Variants in LRRFIP2 observed in about 807,000 individuals in gnomAD.
LRRFIP2 encodes the protein LRR binding FLII interacting protein 2.
Under a neutral mutation model 125.9 loss-of-function variants are expected in LRRFIP2, and 109 were observed. The ratio of observed to expected loss-of-function variants is 0.87; its 90% CI spans 0.74 to 1.01. LRRFIP2 has a LOEUF of 1.01. Ranked by LOEUF, LRRFIP2 falls within the 50% of genes least tolerant of loss-of-function variation. LRRFIP2 has a pLI of 0.00. For missense variants in LRRFIP2, 850 were observed against 862.3 expected, an observed-to-expected ratio of 0.99 and a Z score of 0.18; for synonymous variants, 291 against 293.1, an observed-to-expected ratio of 0.99 and a Z score of 0.07.
At chr3:37,090,562 T>A (rs1255506351) in intron 18 of LRRFIP2, among the ~76,000 whole-genome samples, 1 of 152,138 alleles carries the variant, frequency 6.6e-6, no homozygotes, top group Non-Finnish European at 1.5e-5. Context: ...AATCAGGACA[T>A]ACATGTGTTC....
intron 24 of LRRFIP2, 77 bp from the exon 25 acceptor site, chr3:37,058,987 T>C (rs939586671): frequency 1.1e-5 from 17 of 1,580,790 alleles, no homozygotes; most frequent in Non-Finnish European, 1.4e-5. Context: ...GGTCACATCA[T>C]AGAACAAAGC....
intron 4 of LRRFIP2, among the ~76,000 whole-genome samples, chr3:37,124,812 C>A (rs183738816): frequency 1.1e-4 from 17 of 152,158 alleles, no homozygotes; most frequent in Admixed American, 5.2e-4. Flanking sequence ...TCTGGAAGAA[C>A]AAAAAGCTTC....
chr3:37,054,360 A>T (rs749199170), intron 27 of LRRFIP2, 51 bp downstream of exon 27: 1 of 1,417,514 alleles, frequency 7.1e-7, no homozygotes, highest in Non-Finnish European at 9.9e-7. Flanking sequence ...TTTCCAGAAG[A>T]TTTTTTCTTT....
At chr3:37,073,155 A>G (rs1274516635) in intron 20 of LRRFIP2, among the ~76,000 whole-genome samples, 1 of 152,238 alleles carries the variant, frequency 6.6e-6, no homozygotes. Context: ...GCCAGCTAGA[A>G]TTTCTGTGTA....
intron 1 of LRRFIP2, among the ~76,000 whole-genome samples, chr3:37,166,304 T>C (rs1488090012): frequency 2.6e-5 from 4 of 152,026 alleles, no homozygotes; most frequent in African/African-American, 7.3e-5. Context: ...CACTCCAGCC[T>C]GGGCAGAGCA....
chr3:37,087,571 A>G (rs1449654278), intron 18 of LRRFIP2, among the ~76,000 whole-genome samples: 1 of 152,008 alleles, frequency 6.6e-6, no homozygotes, highest in Non-Finnish European at 1.5e-5. Context: ...CCCATTTGGA[A>G]TTGGTTTTAC....
intron 21 of LRRFIP2, among the ~76,000 whole-genome samples, chr3:37,070,586 A>C (rs1176338467): frequency 6.6e-6 from 1 of 151,650 alleles, no homozygotes; most frequent in Non-Finnish European, 1.5e-5. Flanking sequence ...AAATACAAAA[A>C]TTAGCCGGAC....
At chr3:37,134,741 T>C (rs970137571) in intron 2 of LRRFIP2, 4 of 781,204 alleles carry the variant, frequency 5.1e-6, no homozygotes, top group Non-Finnish European at 9.2e-6. Context: ...CAGTTGAGGA[T>C]GGTATGTTTC....
chr3:37,167,296 G>A (rs1410452417), intron 1 of LRRFIP2, among the ~76,000 whole-genome samples: 1 of 151,958 alleles, frequency 6.6e-6, no homozygotes, highest in Non-Finnish European at 1.5e-5. Flanking sequence ...AAACCACAGT[G>A]AAATACCACC....
At chr3:37,139,443 A>G (rs1020955915) in intron 2 of LRRFIP2, among the ~76,000 whole-genome samples, 7 of 152,218 alleles carry the variant, frequency 4.6e-5, no homozygotes, top group Non-Finnish European at 8.8e-5. Context: ...TCATTATTCC[A>G]GTTCTGACAC....
At chr3:37,173,204 A>C (rs2096609905) in intron 1 of LRRFIP2, among the ~76,000 whole-genome samples, 1 of 151,960 alleles carries the variant, frequency 6.6e-6, no homozygotes, top group African/African-American at 2.4e-5. Context: ...CCTAAAAAAA[A>C]AAAAAGTTGA....
At chr3:37,063,666 GAA>G in intron 24 of LRRFIP2, 74 bp downstream of exon 24, 1 of 1,059,588 alleles carries the variant, frequency 9.4e-7, no homozygotes, top group Non-Finnish European at 1.5e-6. Context: ...TTTTTTTAAT[GAA>G]CATTTCAATT....
intron 21 of LRRFIP2, 92 bp from the exon 22 acceptor site, chr3:37,066,417 A>G: frequency 1.0e-6 from 1 of 974,124 alleles, no homozygotes. Flanking sequence ...ATAAGCAAAG[A>G]TAAAGGCATA....
chr3:37,161,179 T>TAAA (rs60688555), intron 1 of LRRFIP2, among the ~76,000 whole-genome samples: 1,557 of 88,072 alleles, frequency 0.018, 63 homozygotes, highest in African/African-American at 0.064. Flanking sequence ...CCCCATCTAC[T>TAAA]AAAAAAAAAA....
In LRRFIP2 at chr3:37,065,943, C is replaced by A; in HGVS notation, c.1567-1G>T. The A allele has an allele frequency of 6.2e-7, 1 of 1,614,096 alleles. No homozygotes were observed. The highest frequency in any genetic ancestry group is 8.5e-7 in the Non-Finnish European group (1 of 1,179,970). ...CGGGGATTATAACTAAGCCATGTTT[C>A]TGCAGGGGGGAAAAACCCACCATCA... On this transcript the variant is annotated splice_acceptor_variant, in intron 22 of 27. Coordinates refer to ENST00000336686, the MANE Select transcript of LRRFIP2 (RefSeq NM_006309.4). LOFTEE classifies it high-confidence loss of function.
chr3:37,116,421 G>A (rs980842438), intron 6 of LRRFIP2, among the ~76,000 whole-genome samples: 2 of 152,036 alleles, frequency 1.3e-5, no homozygotes, highest in Non-Finnish European at 2.9e-5. Context: ...ACAGGCAGAG[G>A]CCACCGTACC....
intron 2 of LRRFIP2, among the ~76,000 whole-genome samples, chr3:37,138,221 T>G: frequency 6.6e-6 from 1 of 152,226 alleles, no homozygotes; most frequent in East Asian, 1.9e-4. Flanking sequence ...ATATTTAAAT[T>G]TGGATTTTGT....
chr3:37,106,670 C>A lies in LRRFIP2; in HGVS notation c.715-1147G>T, dbSNP rs1419407762. ...ATAAAAATTAAAATTAGGCCAGGCA[C>A]AGTGGTTCACGCCTGTAATCCCAGC... On this transcript the variant is annotated intron_variant, in intron 13 of 27. Transcript: ENST00000336686. 1.1e-4 allele frequency among the ~76,000 whole-genome samples: 16 copies of A among 152,148 alleles called. No individual in the cohort carries two copies. The East Asian group carries it at 3.1e-3, about 29-fold the overall frequency.
intron 2 of LRRFIP2, among the ~76,000 whole-genome samples, chr3:37,144,538 G>A (rs1379967337): frequency 2.0e-5 from 3 of 152,080 alleles, no homozygotes; most frequent in African/African-American, 7.2e-5. Flanking sequence ...CTTGGAGTTC[G>A]AGTCCAGCTT....
Sources: gnomAD v4.1 joint callset for allele counts (sites outside exome capture counted in the v4.1 genomes callset) on GRCh38, gnomAD v4.1.1 for gene constraint, MANE v1.5 for transcripts, NCBI Gene and HGNC (gene_info 2026-07-23, HGNC 2026-07-21) for gene names.